UBN1: variants seen among roughly 807,000 people sequenced by gnomAD.
UBN1 encodes the protein ubinuclein 1, also known as ubinuclein-1.
Under a neutral mutation model 108.5 loss-of-function variants are expected in UBN1, and 17 were observed. That is an observed-to-expected ratio of 0.16 (90% CI 0.11 to 0.24). The LOEUF (loss-of-function observed/expected upper bound fraction) is 0.24. Ranked by LOEUF, UBN1 falls within the 10% of genes least tolerant of loss-of-function variation. UBN1 has a pLI of 1.00. For synonymous variants in UBN1, 726 were observed against 564.2 expected, an observed-to-expected ratio of 1.29 and a Z score of -4.07; for missense variants, 1,595 against 1,394.4, an observed-to-expected ratio of 1.14 and a Z score of -2.29.
chr16:4,858,396 C>A (rs563379963), intron 3 of UBN1, among the ~76,000 whole-genome samples, 172 bp from the exon 4 acceptor site: 1 of 152,168 alleles, frequency 6.6e-6, no homozygotes, highest in East Asian at 1.9e-4. Context: ...CAAATATGTT[C>A]TATGTTAAAA....
chr16:4,872,835 C>T, intron 12 of UBN1, 49 bp from the exon 13 acceptor site: 1 of 1,610,930 alleles, frequency 6.2e-7, no homozygotes, highest in Non-Finnish European at 8.5e-7. Context: ...GAAGCAGAGT[C>T]CCAGCTTTCT....
intron 7 of UBN1, among the ~76,000 whole-genome samples, chr16:4,864,593 GGTT>G (rs1351229200): frequency 7.9e-5 from 12 of 152,136 alleles, no homozygotes; most frequent in Admixed American, 7.2e-4. Flanking sequence ...CTTTTGTCTT[GGTT>G]GTTGGCAGGT....
Position 4,877,277 on chromosome 16 carries a change from A to G in UBN1, c.3266-108A>G. On this transcript the variant is annotated intron_variant, in intron 16 of 17. Coordinates refer to ENST00000262376, the MANE Select transcript of UBN1 (RefSeq NM_001079514.3). This position sits in a 1 kb window ranked among gnomAD's most constrained non-coding sequence, Gnocchi z 4.3. ...CACTGCCCCTTTGGGTGTGGTGCCCAGACTGGCCTGGCAGGTTATCGGGGG... is the reference window on the plus strand; with the variant it reads ...CACTGCCCCTTTGGGTGTGGTGCCCGGACTGGCCTGGCAGGTTATCGGGGG... The G allele has an allele frequency of 6.6e-7, 1 of 1,524,956 alleles. No homozygotes were observed. The highest frequency in any genetic ancestry group is 8.8e-7 in the Non-Finnish European group (1 of 1,131,826). 94.5% of individuals were successfully genotyped at this position (1,524,956 alleles called of 1,614,324 possible). A position where few individuals can be genotyped will look rare whatever the true frequency, so the allele number is the denominator to read the frequency against.
chr16:4,866,350 C>G (rs1380611802), intron 7 of UBN1, among the ~76,000 whole-genome samples: 1 of 152,090 alleles, frequency 6.6e-6, no homozygotes, highest in African/African-American at 2.4e-5. Flanking sequence ...TTTCTTCTGA[C>G]TTAGTTTTGG....
chr16:4,849,596 CT>C (rs372351491), intron 1 of UBN1, among the ~76,000 whole-genome samples: 2 of 150,588 alleles, frequency 1.3e-5, no homozygotes, highest in Non-Finnish European at 1.5e-5. Context: ...TTGTTTTTTT[CT>C]TTTTTTTGTT....
chr16:4,865,745 G>T (rs1167489453), intron 7 of UBN1, among the ~76,000 whole-genome samples: 6 of 152,046 alleles, frequency 3.9e-5, no homozygotes, highest in Non-Finnish European at 1.5e-5. Context: ...CGGATCACTT[G>T]GGGTCAGATG....
At chr16:4,878,401 C>T (rs1164279561) in intron 17 of UBN1, among the ~76,000 whole-genome samples, 1 of 152,180 alleles carries the variant, frequency 6.6e-6, no homozygotes, top group African/African-American at 2.4e-5. Context: ...TAAGGACCCT[C>T]TGTGCTGCAC....
In UBN1 at chr16:4,847,490, C is replaced by A. The variant is rs922712808; in HGVS notation, c.-760C>A. The A allele has an allele frequency of 1.7e-6, 1 of 575,188 alleles. No individual in the cohort carries two copies. Among genetic ancestry groups the A allele is most frequent in the South Asian group, 2.3e-5 (1 of 43,582 alleles). The allele number at this position is 575,188 out of a possible 1,614,324, so 35.6% of individuals were successfully genotyped here. On this transcript the variant is annotated 5_prime_UTR_variant, in exon 1 of 18. Transcript: ENST00000262376. The stretch of plus-strand genomic sequence containing the variant: ...GAGCGCAGAGACTCCCGGCTCCTTC[C>A]CCCTCCCTTCGGCTCGTGACAACGA...
chr16:4,876,109 C>T (rs1212251197), intron 15 of UBN1, among the ~76,000 whole-genome samples: 1 of 152,096 alleles, frequency 6.6e-6, no homozygotes, highest in African/African-American at 2.4e-5. Context: ...CAGGCGTCCG[C>T]CACCACGCCC....
chr16:4,876,384 A>T (rs1038982100), intron 15 of UBN1, among the ~76,000 whole-genome samples: 1 of 152,094 alleles, frequency 6.6e-6, no homozygotes, highest in Non-Finnish European at 1.5e-5. Context: ...TTTCTGGTTT[A>T]TTTTCCTCTT....
At chr16:4,857,906 G>A (rs888771334) in intron 2 of UBN1, 84 bp from the exon 3 acceptor site, 2 of 952,880 alleles carry the variant, frequency 2.1e-6, no homozygotes, top group South Asian at 2.8e-5. Context: ...TTTTATAGAG[G>A]TATTGAGTAA....
At position 4,877,003 on chromosome 16, in the gene UBN1, G is replaced by A. The variant is rs1278216668; in HGVS notation, c.3157G>A (p.Val1053Ile). 1.2e-6 allele frequency: 2 copies of A among 1,614,200 alleles called. No homozygotes were observed. The highest frequency in any genetic ancestry group is 1.7e-6 in the Non-Finnish European group (2 of 1,180,038). Residue 1053 changes from valine to isoleucine, a missense_variant, in exon 16 of 18, where the codon GTC becomes ATC. Val to Ile is a conservative substitution (Grantham distance 29, BLOSUM62 3). Around this residue, in one of 3 missense-constraint regions of UBN1, gnomAD observed 1,398 missense variants for 1,194.7 expected, o/e 1.17. Transcript: ENST00000262376. This position sits in a 1 kb window ranked among gnomAD's most constrained non-coding sequence, Gnocchi z 4.3. ...LGIITPVPIP[V>I]HVLSFSADSS... The stretch of plus-strand genomic sequence containing the variant: ...AATTATAACCCCTGTCCCTATTCCT[G>A]TCCATGTGCTCTCCTTCAGCGCTGA...
chr16:4,865,920 C>A (rs892614063), intron 7 of UBN1, among the ~76,000 whole-genome samples: 8 of 151,822 alleles, frequency 5.3e-5, no homozygotes, highest in Non-Finnish European at 8.8e-5. Context: ...TGAGATCACG[C>A]CATTGCACTC....
intron 17 of UBN1, among the ~76,000 whole-genome samples, chr16:4,878,651 A>C (rs1028849926): frequency 6.6e-6 from 1 of 152,178 alleles, no homozygotes; most frequent in African/African-American, 2.4e-5. Context: ...TGGTGAGAGC[A>C]GGGGTCTTTC....
rs1326675902 is a variant in UBN1 at position 4,875,204 on chromosome 16, A to C, written c.2794A>C (p.Ser932Arg). Residue 932 changes from serine (S) to arginine (R), a missense_variant, in exon 15 of 18, where the codon AGC becomes CGC. Around this residue, in one of 3 missense-constraint regions of UBN1, gnomAD observed 1,398 missense variants for 1,194.7 expected, o/e 1.17. Coordinates refer to ENST00000262376, the MANE Select transcript of UBN1 (RefSeq NM_001079514.3). ...ACCAGTCCAGAGTTCTGTTTCTGGG[A>C]GCCTGGTCCCTGGCATACAGCCTCC... ...GTPVQSSVSGSLVPGIQPPSV... is the reference protein window; with the variant it reads ...GTPVQSSVSGRLVPGIQPPSV... 3 of 1,614,204 alleles carry C rather than the reference A, an allele frequency of 1.9e-6. No homozygotes were observed. The highest frequency in any genetic ancestry group is 2.2e-5 in the South Asian group (2 of 91,084).
intron 1 of UBN1, among the ~76,000 whole-genome samples, chr16:4,849,232 C>G (rs895484259): frequency 1.3e-5 from 2 of 152,098 alleles, no homozygotes; most frequent in East Asian, 3.8e-4. Context: ...TTGCCTAAAA[C>G]CTGAAAGTTC....
rs1209383149 is a variant in UBN1, at chr16:4,877,075, C to T, written c.3229C>T (p.Pro1077Ser). The T allele has an allele frequency of 1.9e-6, 3 of 1,613,756 alleles. No homozygotes were observed. The highest frequency in any genetic ancestry group is 1.7e-5 in the Admixed American group (1 of 59,984). ...CTCCAAGGATGCCATCGTCACAGGC[C>T]CTGCCCCCGGGTCCTTCCACCATGG... The part of the protein sequence containing the change: ...GVSKDAIVTG[P>S]APGSFHHGLG... Residue 1077 changes from proline (P) to serine (S), a missense_variant, in exon 16 of 18, where the codon CCT (proline) becomes TCT (serine). Physicochemically the swap from Pro to Ser is moderately conservative, Grantham distance 74. Coordinates refer to ENST00000262376, the MANE Select transcript of UBN1 (RefSeq NM_001079514.3). This position sits in a 1 kb window ranked among gnomAD's most constrained non-coding sequence, Gnocchi z 4.3.
rs766740021 is a variant in UBN1, at chr16:4,875,081, T to G, written c.2671T>G (p.Ser891Ala). 3 of 1,614,066 alleles carry G rather than the reference T, an allele frequency of 1.9e-6. No individual in the cohort carries two copies. The highest frequency in any genetic ancestry group is 2.2e-5 in the South Asian group (2 of 91,086). ...SALSHPAKPHSVSSAGSSYKN... is the reference protein window; with the variant it reads ...SALSHPAKPHAVSSAGSSYKN... Reference sequence around the variant, plus strand: ...CCTGAGCCATCCAGCAAAGCCACATTCAGTCAGCTCTGCAGGCTCATCTTA... The same window carrying G: ...CCTGAGCCATCCAGCAAAGCCACATGCAGTCAGCTCTGCAGGCTCATCTTA... The change falls in exon 15 of 18, where the codon TCA (serine) becomes GCA (alanine). Residue 891 changes from serine to alanine, a missense_variant. Around this residue, in one of 3 missense-constraint regions of UBN1, gnomAD observed 1,398 missense variants for 1,194.7 expected, o/e 1.17. Transcript: ENST00000262376.
Position 4,870,323 on chromosome 16 carries a change from A to G in UBN1, c.1293A>G (p.Lys431=). The change falls in exon 9 of 18, where the codon AAA becomes AAG. Residue 431 remains lysine, a synonymous_variant. Coordinates refer to ENST00000262376, the MANE Select transcript of UBN1 (RefSeq NM_001079514.3). ...SKDALLKRAR[K]LHLYEQGGRL... ...ATGCCCTGCTCAAGCGTGCTCGGAA[A>G]CTTCACCTCTATGAACAGGTGGGTG... 1.2e-6 allele frequency: 2 copies of G among 1,614,102 alleles called. No homozygotes were observed. Among genetic ancestry groups the G allele is most frequent in the Non-Finnish European group, 1.7e-6 (2 of 1,180,026 alleles).
Sources: allele counts gnomAD v4.1 joint callset (sites outside exome capture counted in the v4.1 genomes callset), GRCh38; gene constraint gnomAD v4.1.1; regional missense constraint gnomAD v4.1.1; non-coding constraint Gnocchi (gnomAD v3.1); transcripts MANE v1.5; gene names NCBI Gene and HGNC (gene_info 2026-07-23, HGNC 2026-07-21).